Variants in PDE8B observed in about 807,000 individuals in gnomAD.
PDE8B encodes the protein phosphodiesterase 8B.
A neutral mutation model predicts 101.3 loss-of-function variants in PDE8B; 26 were observed. That is an observed-to-expected ratio of 0.26 (90% CI 0.19 to 0.36). The LOEUF (loss-of-function observed/expected upper bound fraction) is 0.36. Ranked by LOEUF, PDE8B falls within the 10% of genes least tolerant of loss-of-function variation. PDE8B has a pLI of 1.00. For synonymous variants in PDE8B, 424 were observed against 429.3 expected (o/e 0.99, Z 0.15); for missense variants, 810 against 1,163.1 (o/e 0.70, Z 4.42).
intron 10 of PDE8B, among the ~76,000 whole-genome samples, chr5:77,373,975 G>A (rs751961554): frequency 3.3e-5 from 5 of 152,068 alleles, no homozygotes; most frequent in African/African-American, 4.8e-5. Context: ...TCAGCCTCCC[G>A]AGTAGCTGGG....
chr5:77,291,242 C>G, intron 1 of PDE8B: 2 of 1,612,046 alleles, frequency 1.2e-6, no homozygotes, highest in African/African-American at 1.3e-5. Context: ...TTAAAAAGGC[C>G]TACGCACAGA....
intron 1 of PDE8B, among the ~76,000 whole-genome samples, chr5:77,246,246 T>C (rs535215229): frequency 3.9e-5 from 6 of 152,350 alleles, no homozygotes; most frequent in Middle Eastern, 3.4e-3. Flanking sequence ...CATGCTATTA[T>C]TTGACTTCAT....
intron 17 of PDE8B, among the ~76,000 whole-genome samples, chr5:77,414,213 T>G (rs182076205): frequency 2.6e-5 from 4 of 152,280 alleles, no homozygotes; most frequent in African/African-American, 9.6e-5. Context: ...GGGTAAGGTT[T>G]TCTTCTCAGT....
At chr5:77,367,274 G>A (rs1045730648) in intron 10 of PDE8B, among the ~76,000 whole-genome samples, 1 of 152,156 alleles carries the variant, frequency 6.6e-6, no homozygotes, top group African/African-American at 2.4e-5. Context: ...TGCTGAAGGT[G>A]AGCAGCGTTG....
rs563095292 is a variant in PDE8B at position 77,350,984 on chromosome 5, T to G, written c.1018-81T>G. 5 of 970,512 alleles carry G rather than the reference T, an allele frequency of 5.2e-6. No individual in the cohort carries two copies. In the South Asian group the frequency reaches 6.6e-5, roughly 13 times the overall value. The allele number at this position is 970,512 out of a possible 1,614,324, so 60.1% of individuals were successfully genotyped here. On this transcript the variant is annotated intron_variant, in intron 8 of 21. Transcript: ENST00000264917. Reference sequence around the variant, plus strand: ...TAACGAGAGCATGTGGGAATGTTCCTTCTCAGCCTTCTGAGACCCTCTGCA... The same window carrying G: ...TAACGAGAGCATGTGGGAATGTTCCGTCTCAGCCTTCTGAGACCCTCTGCA...
At chr5:77,409,969 G>A (rs1404856373) in intron 14 of PDE8B, among the ~76,000 whole-genome samples, 1 of 152,266 alleles carries the variant, frequency 6.6e-6, no homozygotes, top group Non-Finnish European at 1.5e-5. Flanking sequence ...CTTCTAGGCA[G>A]CACTGCCAAG....
At chr5:77,423,942 A>AT (rs372211983) in intron 20 of PDE8B, among the ~76,000 whole-genome samples, 8,561 of 146,350 alleles carry the variant, frequency 0.058, 340 homozygotes, top group African/African-American at 0.12. Context: ...CAGCCTGGAC[A>AT]TTTTTTTTTT....
intron 10 of PDE8B, among the ~76,000 whole-genome samples, chr5:77,367,056 T>G (rs746517777): frequency 6.6e-6 from 1 of 152,048 alleles, no homozygotes; most frequent in African/African-American, 2.4e-5. Context: ...GGTAAAACTG[T>G]TGGGAAAATG....
At chr5:77,288,175 A>G (rs149969203) in intron 1 of PDE8B, among the ~76,000 whole-genome samples, 31 of 152,314 alleles carry the variant, frequency 2.0e-4, no homozygotes, top group African/African-American at 5.8e-4. Context: ...CTCCAGGTCA[A>G]TTCTGTTCCT....
the PDE8B span, among the ~76,000 whole-genome samples, chr5:77,121,430 G>A: frequency 6.6e-6 from 1 of 151,872 alleles, no homozygotes; most frequent in Non-Finnish European, 1.5e-5. Flanking sequence ...ATCACCCGCT[G>A]TCACTTCCAC....
intron 2 of PDE8B, among the ~76,000 whole-genome samples, chr5:77,322,481 C>T (rs1775282031): frequency 6.6e-6 from 1 of 152,158 alleles, no homozygotes; most frequent in South Asian, 2.1e-4. Context: ...ATGGTCTAGC[C>T]CTCTGCCGTG....
the PDE8B span, chr5:77,118,367 G>A: frequency 1.5e-5 from 6 of 398,546 alleles, no homozygotes; most frequent in South Asian, 7.6e-4. Flanking sequence ...CAGGCCGAAG[G>A]AGAAAGTGGA....
chr5:77,327,951 TGAA>T (rs1776362393), intron 3 of PDE8B, among the ~76,000 whole-genome samples: 1 of 152,106 alleles, frequency 6.6e-6, no homozygotes, highest in Non-Finnish European at 1.5e-5. Flanking sequence ...ATGTTGGAGT[TGAA>T]GAGGATGAAG....
chr5:77,131,576 G>A, the PDE8B span, among the ~76,000 whole-genome samples: 1 of 152,164 alleles, frequency 6.6e-6, no homozygotes, highest in Non-Finnish European at 1.5e-5. Flanking sequence ...TTGTCAAATA[G>A]GAAAGATAAT....
chr5:77,197,094 G>A, the PDE8B span, among the ~76,000 whole-genome samples: 245 of 144,466 alleles, frequency 1.7e-3, no homozygotes, highest in African/African-American at 6.0e-3. Flanking sequence ...CTATTGTACT[G>A]ACCTTTAAAA....
intron 11 of PDE8B, among the ~76,000 whole-genome samples, chr5:77,404,316 G>C (rs773381275): frequency 7.9e-5 from 12 of 151,794 alleles, no homozygotes; most frequent in Non-Finnish European, 1.2e-4. Context: ...GTAGAGACAG[G>C]GTTTCTCCAT....
At chr5:77,239,984 T>C (rs1755420420) in intron 1 of PDE8B, among the ~76,000 whole-genome samples, 1 of 151,868 alleles carries the variant, frequency 6.6e-6, no homozygotes, top group Non-Finnish European at 1.5e-5. Flanking sequence ...TCCAAGTGCA[T>C]CTAAGTTTAA....
At chr5:77,384,482 T>A (rs949478302) in intron 10 of PDE8B, among the ~76,000 whole-genome samples, 2 of 152,226 alleles carry the variant, frequency 1.3e-5, no homozygotes, top group African/African-American at 4.8e-5. Flanking sequence ...CTTGCCTGAT[T>A]GCCCTTGCCA....
Position 77,418,406 on chromosome 5 carries a change from G to A in PDE8B, c.2089G>A (p.Val697Ile), listed in dbSNP as rs376318658. The A allele has an allele frequency of 4.0e-4, 643 of 1,613,962 alleles. No individual in the cohort carries two copies. Among genetic ancestry groups the A allele is most frequent in the Non-Finnish European group, 5.3e-4 (627 of 1,179,994 alleles). Residue 697 changes from valine to isoleucine, a missense_variant, in exon 18 of 22, where the codon GTC becomes ATC. By Grantham distance (29) the Val-to-Ile change is conservative. Coordinates refer to ENST00000264917, the MANE Select transcript of PDE8B (RefSeq NM_003719.5). The part of the protein sequence containing the change: ...HHTALAFQLT[V>I]KDTKCNIFKN... Reference sequence around the variant, plus strand: ...CACCGCCCTGGCCTTCCAGCTCACGGTCAAGGACACCAAATGCAACATTTT... The same window carrying A: ...CACCGCCCTGGCCTTCCAGCTCACGATCAAGGACACCAAATGCAACATTTT...
Sources: gnomAD v4.1 joint callset for allele counts (sites outside exome capture counted in the v4.1 genomes callset) on GRCh38, gnomAD v4.1.1 for gene constraint, MANE v1.5 for transcripts, NCBI Gene and HGNC (gene_info 2026-07-23, HGNC 2026-07-21) for gene names.